PRR16: variants seen among roughly 807,000 people sequenced by gnomAD.
PRR16 encodes protein Largen.
A neutral mutation model predicts 18.2 loss-of-function variants in PRR16; 6 were observed. That is an observed-to-expected ratio of 0.33 (90% CI 0.18 to 0.65). The LOEUF is 0.65. PRR16 is among the 30% of genes least tolerant of loss of function. The pLI, the probability that PRR16 is intolerant of heterozygous loss-of-function variation, is 0.74. For synonymous variants in PRR16, 151 were observed against 147.8 expected, an observed-to-expected ratio of 1.02 and a Z score of -0.16; for missense variants, 412 against 376.6, an observed-to-expected ratio of 1.09 and a Z score of -0.78.
intron 1 of PRR16, among the ~76,000 whole-genome samples, chr5:120,543,297 A>G (rs1751973400): frequency 2.6e-5 from 4 of 152,142 alleles, no homozygotes. Context: ...TGTAGATGCA[A>G]GAGTGTGGCA....
the PRR16 span, among the ~76,000 whole-genome samples, chr5:120,746,954 A>C: frequency 3.3e-5 from 5 of 152,164 alleles, no homozygotes; most frequent in Non-Finnish European, 7.4e-5. Context: ...TCGAAGGAAT[A>C]AAAAGCAAGC....
At chr5:120,747,379 T>C in the PRR16 span, among the ~76,000 whole-genome samples, 3 of 152,182 alleles carry the variant, frequency 2.0e-5, no homozygotes, top group South Asian at 6.2e-4. Context: ...TTTACTCCTC[T>C]AAGAACCAAT....
the PRR16 span, among the ~76,000 whole-genome samples, chr5:120,754,979 A>G: frequency 1.4e-5 from 2 of 145,436 alleles, no homozygotes; most frequent in African/African-American, 5.1e-5. Flanking sequence ...CTTGTGTTGA[A>G]ACCTAGGGTT....
chr5:120,782,826 G>C, the PRR16 span, among the ~76,000 whole-genome samples: 4 of 152,208 alleles, frequency 2.6e-5, no homozygotes, highest in East Asian at 7.7e-4. Flanking sequence ...ATAACTGTCT[G>C]AACCCACCAG....
chr5:120,714,685 C>T, the PRR16 span, among the ~76,000 whole-genome samples: 1 of 152,094 alleles, frequency 6.6e-6, no homozygotes, highest in African/African-American at 2.4e-5. Flanking sequence ...AAGACACATG[C>T]ACACATATGT....
chr5:120,688,941 T>G (rs904662336), downstream of PRR16, among the ~76,000 whole-genome samples: 3 of 152,182 alleles, frequency 2.0e-5, no homozygotes, highest in Non-Finnish European at 2.9e-5. Context: ...TAGGCAAAGC[T>G]TCTCCATGAA....
intron 1 of PRR16, among the ~76,000 whole-genome samples, chr5:120,481,728 C>T (rs1258273894): frequency 6.6e-6 from 1 of 151,950 alleles, no homozygotes; most frequent in Non-Finnish European, 1.5e-5. Flanking sequence ...TGTACTGTGT[C>T]GTAAAAACAG....
chr5:120,632,842 C>T (rs1755103805), intron 1 of PRR16, among the ~76,000 whole-genome samples: 1 of 152,082 alleles, frequency 6.6e-6, no homozygotes, highest in Non-Finnish European at 1.5e-5. Context: ...CTTGGCTTTT[C>T]TAGAGATCTA....
intron 1 of PRR16, among the ~76,000 whole-genome samples, chr5:120,667,397 A>C (rs530969657): frequency 2.0e-5 from 3 of 152,108 alleles, no homozygotes; most frequent in Admixed American, 6.5e-5. Flanking sequence ...GATCCTTTTA[A>C]AAAACCAGCT....
chr5:120,570,618 C>G (rs955121526), intron 1 of PRR16, among the ~76,000 whole-genome samples: 5 of 152,044 alleles, frequency 3.3e-5, no homozygotes, highest in African/African-American at 1.2e-4. Flanking sequence ...TATTGTAGCT[C>G]TACTCATAAT....
At chr5:120,627,808 G>C (rs746357114) in intron 1 of PRR16, among the ~76,000 whole-genome samples, 1 of 151,994 alleles carries the variant, frequency 6.6e-6, no homozygotes, top group South Asian at 2.1e-4. Flanking sequence ...AAAAGCCTTA[G>C]ATCTCAGTCC....
intron 1 of PRR16, among the ~76,000 whole-genome samples, chr5:120,624,102 G>A (rs1391889976): frequency 6.6e-6 from 1 of 152,036 alleles, no homozygotes; most frequent in Non-Finnish European, 1.5e-5. Flanking sequence ...TTCCACAGAG[G>A]CTCTGCTGCT....
chr5:120,593,146 A>G (rs1434856827), intron 1 of PRR16, among the ~76,000 whole-genome samples: 1 of 152,044 alleles, frequency 6.6e-6, no homozygotes, highest in Admixed American at 6.6e-5. Context: ...CTAGCAGAAG[A>G]CAAGAAATAA....
downstream of PRR16, among the ~76,000 whole-genome samples, chr5:120,691,431 T>A (rs1757208031): frequency 2.0e-5 from 3 of 152,226 alleles, no homozygotes; most frequent in Non-Finnish European, 4.4e-5. Flanking sequence ...CATTTTCTCA[T>A]GTATTATACC....
At chr5:120,754,502 T>TAATCTATAG in the PRR16 span, among the ~76,000 whole-genome samples, 1 of 75,668 alleles carries the variant, frequency 1.3e-5, no homozygotes, top group African/African-American at 5.6e-5. Flanking sequence ...ATGTATTTTA[T>TAATCTATAG]TATGTATATT....
intron 1 of PRR16, among the ~76,000 whole-genome samples, chr5:120,610,194 G>A (rs918465910): frequency 1.3e-5 from 2 of 151,878 alleles, no homozygotes; most frequent in Non-Finnish European, 2.9e-5. Flanking sequence ...AGAAATAACT[G>A]GTCCAAAATT....
chr5:120,497,663 AC>A (rs1750301241), intron 1 of PRR16, among the ~76,000 whole-genome samples: 1 of 152,026 alleles, frequency 6.6e-6, no homozygotes, highest in Non-Finnish European at 1.5e-5. Flanking sequence ...TCCTGGGATT[AC>A]AGGCGTGAGC....
chr5:120,725,843 ATGAATGAG>A, the PRR16 span, among the ~76,000 whole-genome samples: 1 of 152,096 alleles, frequency 6.6e-6, no homozygotes, highest in Non-Finnish European at 1.5e-5. Context: ...AAATGAATTA[ATGAATGAG>A]TGAATGAATA....
chr5:120,622,709 C>A (rs192307077), intron 1 of PRR16, among the ~76,000 whole-genome samples: 95 of 152,070 alleles, frequency 6.2e-4, no homozygotes, highest in African/African-American at 2.2e-3. Context: ...GATCTCCTGA[C>A]CTTATGATCC....
Sources: allele counts gnomAD v4.1 joint callset (sites outside exome capture counted in the v4.1 genomes callset), GRCh38; gene constraint gnomAD v4.1.1; transcripts MANE v1.5; gene names NCBI Gene and HGNC (gene_info 2026-07-23, HGNC 2026-07-21).